The following PLEKHH2 variants were observed in gnomAD, a reference collection of about 807,000 sequenced individuals.
The protein encoded by PLEKHH2 is pleckstrin homology, MyTH4 and FERM domain containing H2, also known as pleckstrin homology domain-containing family H member 2.
A neutral mutation model predicts 187.9 loss-of-function variants in PLEKHH2; 129 were observed. That is an observed-to-expected ratio of 0.69 (90% confidence interval 0.59 to 0.79). The LOEUF (loss-of-function observed/expected upper bound fraction) is 0.79. Among genes scored for constraint, PLEKHH2 ranks in the 30% least tolerant of loss-of-function variants. PLEKHH2 has a pLI of 0.00. For missense variants in PLEKHH2, 2,076 were observed against 1,751.2 expected (o/e 1.19, Z -3.31); for synonymous variants, 686 against 605.6 (o/e 1.13, Z -1.95).
intron 16 of PLEKHH2, among the ~76,000 whole-genome samples, chr2:43,723,785 G>A (rs574887138): frequency 6.6e-6 from 1 of 152,296 alleles, no homozygotes; most frequent in African/African-American, 2.4e-5. Context: ...ACAAACAACT[G>A]GAGGGCTTTG....
At chr2:43,679,504 T>TG (rs1382817281) in intron 3 of PLEKHH2, 1 of 364,484 alleles carries the variant, frequency 2.7e-6, no homozygotes, top group Admixed American at 3.5e-5. Flanking sequence ...CTTTTTTTTT[T>TG]TTTTTTTTTG....
chr2:43,729,544 C>T, intron 17 of PLEKHH2, 93 bp from the exon 18 acceptor site: 5 of 736,726 alleles, frequency 6.8e-6, no homozygotes, highest in Non-Finnish European at 6.0e-6. Flanking sequence ...GGTTCATTTC[C>T]ATCTCAAAGT....
chr2:43,744,023 A>G lies in PLEKHH2; in HGVS notation c.3555+34A>G, dbSNP rs775942534. The G allele has an allele frequency of 2.3e-5, 37 of 1,599,732 alleles. No homozygotes were observed. In the South Asian group the frequency reaches 3.8e-4, roughly 16 times the overall value. Reference sequence around the variant, plus strand: ...AAGTCCTTTTCAGGAGCCAAGCCCAACGAACAGCAAAGAAGCTACTCTTTA... The same window carrying G: ...AAGTCCTTTTCAGGAGCCAAGCCCAGCGAACAGCAAAGAAGCTACTCTTTA... On this transcript the variant is annotated intron_variant, in intron 23 of 29. Transcript: ENST00000282406.
chr2:43,710,561 A>T lies in PLEKHH2; in HGVS notation c.2287A>T (p.Lys763Ter). ...CTGTAGTATTTTAAGAGGAGATAAC[A>T]AACAAACAGTTCAGGTACTTAACTT... ...ASCSILRGDN[K>*]QTVQLTTEKH... is the part of the protein sequence containing the mutation. Residue 763 changes from lysine to a stop codon, truncating the protein, a stop_gained, in exon 14 of 30, where the codon AAA (lysine) becomes TAA (stop). Transcript: ENST00000282406. LOFTEE classifies it high-confidence loss of function. The T allele has an allele frequency of 1.9e-6, 3 of 1,594,166 alleles. No individual in the cohort carries two copies. Among genetic ancestry groups the T allele is most frequent in the Non-Finnish European group, 8.5e-7 (1 of 1,175,330 alleles).
intron 2 of PLEKHH2, chr2:43,675,346 G>T: frequency 6.8e-7 from 1 of 1,479,156 alleles, no homozygotes; most frequent in South Asian, 1.4e-5. Flanking sequence ...AGTGCTCTTG[G>T]ACAGCACAGG....
At chr2:43,719,009 A>G (rs1394134433) in intron 15 of PLEKHH2, among the ~76,000 whole-genome samples, 1 of 152,222 alleles carries the variant, frequency 6.6e-6, no homozygotes, top group African/African-American at 2.4e-5. Flanking sequence ...CTTTTTATTC[A>G]TAGTGAGGAC....
In PLEKHH2 at chr2:43,692,668, G is replaced by A. The variant is rs372645525; in HGVS notation, c.336+5G>A. On this transcript the variant is annotated splice_donor_5th_base_variant and intron_variant, in intron 4 of 29. Transcript: ENST00000282406. The stretch of plus-strand genomic sequence containing the variant: ...GAATTGCAACTTGAAGAGCAGGTTA[G>A]GAAGAATTTGATAAAGAGTTCTAAG... 1 of 1,611,454 alleles carries A rather than the reference G, an allele frequency of 6.2e-7. No individual in the cohort carries two copies. Among genetic ancestry groups the A allele is most frequent in the Non-Finnish European group, 8.5e-7 (1 of 1,178,816 alleles).
intron 2 of PLEKHH2, among the ~76,000 whole-genome samples, chr2:43,653,117 A>G (rs1666570599): frequency 6.6e-6 from 1 of 152,218 alleles, no homozygotes; most frequent in African/African-American, 2.4e-5. Flanking sequence ...ACTGGAGGGA[A>G]GAAAATAAAT....
At chr2:43,710,181 G>C (rs1439022883) in intron 12 of PLEKHH2, 39 bp from the exon 13 acceptor site, 12 of 1,610,838 alleles carry the variant, frequency 7.4e-6, no homozygotes, top group African/African-American at 2.7e-5. Context: ...GCCTCCAAAA[G>C]GAAACTGAAA....
At position 43,739,853 on chromosome 2, in the gene PLEKHH2, T is replaced by G. The variant is rs190599044; in HGVS notation, c.3124-1093T>G. Among the ~76,000 whole-genome samples the G allele has an allele frequency of 1.2e-3, 181 of 152,326 alleles. 2 individuals carry two copies. Among genetic ancestry groups the G allele is most frequent in the African/African-American group, 4.2e-3 (173 of 41,576 alleles). On this transcript the variant is annotated intron_variant, in intron 20 of 29. Transcript: ENST00000282406. ...TCCTCTTCCTTCCCTTCCGTAGACTTTATAGTCCAGCCTAAGCAACATATT... is the reference window on the plus strand; with the variant it reads ...TCCTCTTCCTTCCCTTCCGTAGACTGTATAGTCCAGCCTAAGCAACATATT...
intron 18 of PLEKHH2, among the ~76,000 whole-genome samples, chr2:43,731,170 A>G (rs1373910651): frequency 6.6e-6 from 1 of 152,160 alleles, no homozygotes; most frequent in Non-Finnish European, 1.5e-5. Context: ...GTTTCAGTAT[A>G]TACTGCTTGG....
intron 1 of PLEKHH2, among the ~76,000 whole-genome samples, chr2:43,640,068 T>C (rs6725147): frequency 0.78 from 118,203 of 152,074 alleles, 46,943 homozygotes; most frequent in African/African-American, 0.9. Flanking sequence ...TTGGTGTGGA[T>C]GTGTATTTCA....
At chr2:43,714,150 C>G (rs1206926888) in intron 15 of PLEKHH2, among the ~76,000 whole-genome samples, 1 of 152,166 alleles carries the variant, frequency 6.6e-6, no homozygotes, top group Non-Finnish European at 1.5e-5. Flanking sequence ...GCATATCAAA[C>G]CCTGAGAGTT....
chr2:43,706,759 C>T (rs1484320035), intron 10 of PLEKHH2, among the ~76,000 whole-genome samples: 1 of 152,146 alleles, frequency 6.6e-6, no homozygotes, highest in East Asian at 1.9e-4. Context: ...GGTACCCCTT[C>T]CTTGCTTGAA....
chr2:43,676,989 A>G (rs1367009085), intron 2 of PLEKHH2, among the ~76,000 whole-genome samples: 1 of 152,140 alleles, frequency 6.6e-6, no homozygotes, highest in Non-Finnish European at 1.5e-5. Flanking sequence ...TTCTTAATAT[A>G]TGTTAATCCA....
intron 1 of PLEKHH2, among the ~76,000 whole-genome samples, chr2:43,638,847 A>C (rs1034112763): frequency 6.6e-6 from 1 of 152,204 alleles, no homozygotes; most frequent in African/African-American, 2.4e-5. Context: ...GAAATGAGGG[A>C]ATCAGGTGTC....
intron 3 of PLEKHH2, among the ~76,000 whole-genome samples, chr2:43,680,152 T>A (rs7574610): frequency 0.47 from 71,547 of 151,994 alleles, 17,495 homozygotes; most frequent in Non-Finnish European, 0.53. Context: ...AATCAATGAG[T>A]TCCAGTGAGT....
intron 15 of PLEKHH2, among the ~76,000 whole-genome samples, chr2:43,713,968 T>G (rs1303985419): frequency 6.6e-6 from 1 of 152,208 alleles, no homozygotes; most frequent in Admixed American, 6.5e-5. Flanking sequence ...AAATATACTA[T>G]GTACTATGTT....
At chr2:43,724,113 G>A (rs1572622572) in intron 16 of PLEKHH2, among the ~76,000 whole-genome samples, 2 of 97,042 alleles carry the variant, frequency 2.1e-5, no homozygotes, top group Non-Finnish European at 4.7e-5. Context: ...AGACTGGGCA[G>A]AGCAGGTTGT....
Sources: gnomAD v4.1 joint callset for allele counts (sites outside exome capture counted in the v4.1 genomes callset) on GRCh38, gnomAD v4.1.1 for gene constraint, MANE v1.5 for transcripts, NCBI Gene and HGNC (gene_info 2026-07-23, HGNC 2026-07-21) for gene names.